SCN11A: variants seen among roughly 807,000 people sequenced by gnomAD.
The protein encoded by SCN11A is sodium channel protein type 11 subunit alpha.
A neutral mutation model predicts 162.2 loss-of-function variants in SCN11A; 122 were observed. The ratio of observed to expected loss-of-function variants is 0.75; its 90% CI spans 0.65 to 0.87. The LOEUF is 0.87. SCN11A is among the 40% of genes least tolerant of loss of function. SCN11A has a pLI of 0.00. For missense variants in SCN11A, 2,015 were observed against 2,181.6 expected (o/e 0.92, Z 1.52); for synonymous variants, 758 against 751.5 (o/e 1.01, Z -0.14).
intron 3 of SCN11A, among the ~76,000 whole-genome samples, chr3:38,956,879 A>G (rs2066688905): frequency 6.6e-6 from 1 of 152,306 alleles, no homozygotes; most frequent in East Asian, 1.9e-4. Flanking sequence ...ACTCTATGAA[A>G]GGTTGGTCAA....
intron 29 of SCN11A, chr3:38,849,385 T>C (rs1425359561): frequency 1.3e-5 from 2 of 151,904 alleles, no homozygotes; most frequent in Admixed American, 6.6e-5. Context: ...ATAAGCTTTA[T>C]CTACATTAAC....
intron 2 of SCN11A, among the ~76,000 whole-genome samples, chr3:38,966,664 AC>A (rs1173956630): frequency 6.6e-6 from 1 of 152,204 alleles, no homozygotes; most frequent in African/African-American, 2.4e-5. Flanking sequence ...GTTGTTAACT[AC>A]AGTCACCCTA....
At chr3:38,993,243 ACG>A (rs1406033364) in intron 2 of SCN11A, among the ~76,000 whole-genome samples, 1 of 152,116 alleles carries the variant, frequency 6.6e-6, no homozygotes, top group Non-Finnish European at 1.5e-5. Flanking sequence ...GGGACAACAT[ACG>A]CCAGACACTG....
chr3:38,909,547 C>A lies in SCN11A; in HGVS notation c.1102-353G>T, dbSNP rs1158166896. 2.7e-5 allele frequency among the ~76,000 whole-genome samples: 4 copies of A among 150,426 alleles called. No homozygotes were observed. In the East Asian group the frequency reaches 7.8e-4, roughly 29 times the overall value. ...AAGAGGAGGGGTTCTTTGGAGTCTT[C>A]TTCCAAATATTGCATTTAAAATTTT... On this transcript the variant is annotated intron_variant, in intron 12 of 29. Coordinates refer to ENST00000302328, the MANE Select transcript of SCN11A (RefSeq NM_001349253.2).
chr3:38,859,263 A>G (rs573533882), intron 28 of SCN11A, among the ~76,000 whole-genome samples: 3 of 152,318 alleles, frequency 2.0e-5, no homozygotes, highest in South Asian at 2.1e-4. Context: ...GATAAAAATG[A>G]TAGACCATTA....
intron 10 of SCN11A, among the ~76,000 whole-genome samples, chr3:38,920,654 C>A (rs1460788833): frequency 6.7e-6 from 1 of 149,046 alleles, no homozygotes; most frequent in Non-Finnish European, 1.5e-5. Context: ...TCACTGCACT[C>A]CGGCCTGGTG....
chr3:38,993,507 T>C (rs1575350722), intron 2 of SCN11A, among the ~76,000 whole-genome samples: 2 of 152,176 alleles, frequency 1.3e-5, no homozygotes, highest in South Asian at 4.1e-4. Flanking sequence ...AGGACGGAAA[T>C]TGGTTTTACT....
intron 19 of SCN11A, among the ~76,000 whole-genome samples, chr3:38,893,476 A>G (rs1328235432): frequency 1.3e-5 from 2 of 152,334 alleles, no homozygotes; most frequent in East Asian, 3.9e-4. Context: ...TAGAAGATCA[A>G]CAGGGAAATG....
rs1386861094 is a variant in SCN11A at position 39,040,039 on chromosome 3, G to A, written c.-403-7536C>T. On this transcript the variant is annotated intron_variant, in intron 1 of 29. Coordinates refer to ENST00000302328, the MANE Select transcript of SCN11A (RefSeq NM_001349253.2). ...TCACGTGCTGTGTTCCTCAGGGCTG[G>A]TGCCCACCTGGTGCCCACCACAGCT... Among the ~76,000 whole-genome samples the A allele has an allele frequency of 2.6e-5, 4 of 152,116 alleles. No homozygotes were observed. The East Asian group carries it at 5.8e-4, about 22-fold the overall frequency.
rs1216685337 is a variant in SCN11A, at chr3:38,889,802, A to AAAAAAT, written c.2836-3565_2836-3564insATTTTT. The stretch of plus-strand genomic sequence containing the variant: ...GCGACAGAGCGAGACTCCATCTCAA[A>AAAAAAT]AAAATAAAATAAAATAAAATAAAAT... On this transcript the variant is annotated intron_variant, in intron 19 of 29. Coordinates refer to ENST00000302328, the MANE Select transcript of SCN11A (RefSeq NM_001349253.2). Among the ~76,000 whole-genome samples the AAAAAAT allele has an allele frequency of 1.4e-3, 185 of 130,950 alleles. 2 individuals are homozygous for AAAAAAT. Among genetic ancestry groups the AAAAAAT allele is most frequent in the Middle Eastern group, 0.011 (3 of 276 alleles). 85.9% of individuals were successfully genotyped at this position (130,950 alleles called of 152,430 possible). A position where few individuals can be genotyped will look rare whatever the true frequency, so the allele number is the denominator to read the frequency against.
Position 38,903,920 on chromosome 3 carries a change from A to T in SCN11A, c.1787T>A (p.Met596Lys). 3.1e-6 allele frequency: 5 copies of T among 1,613,986 alleles called. No individual in the cohort carries two copies. Among genetic ancestry groups the T allele is most frequent in the Non-Finnish European group, 4.2e-6 (5 of 1,179,936 alleles). Residue 596 changes from methionine (M) to lysine (K), a missense_variant, in exon 16 of 30, where the codon ATG becomes AAG. Coordinates refer to ENST00000302328, the MANE Select transcript of SCN11A (RefSeq NM_001349253.2). Reference protein sequence around the residue: ...CIIINTVFLAMEHHKMEASFE... With the variant: ...CIIINTVFLAKEHHKMEASFE... Reference sequence around the variant, plus strand: ...ACTGGCCTCCATCTTGTGATGCTCCATGGCCAAGAAGACAGTGTTGATGAT... The same window carrying T: ...ACTGGCCTCCATCTTGTGATGCTCCTTGGCCAAGAAGACAGTGTTGATGAT...
intron 7 of SCN11A, among the ~76,000 whole-genome samples, chr3:38,942,091 GTAT>G (rs1559547275): frequency 6.6e-6 from 1 of 152,016 alleles, no homozygotes; most frequent in Non-Finnish European, 1.5e-5. Context: ...ATTTAAATGA[GTAT>G]TATTAGAGAC....
At chr3:39,019,919 ATTG>A (rs1202494279) in intron 2 of SCN11A, among the ~76,000 whole-genome samples, 2 of 152,100 alleles carry the variant, frequency 1.3e-5, no homozygotes, top group East Asian at 3.8e-4. Flanking sequence ...ATTTTGTATC[ATTG>A]TTATTATAAA....
chr3:38,981,537 T>G (rs138321823), intron 2 of SCN11A, among the ~76,000 whole-genome samples: 5 of 145,866 alleles, frequency 3.4e-5, no homozygotes, highest in Non-Finnish European at 7.6e-5. Flanking sequence ...GTGTGTGTGT[T>G]TGTGTGTGTG....
At chr3:39,017,808 G>A (rs1297876649) in intron 2 of SCN11A, among the ~76,000 whole-genome samples, 1 of 151,966 alleles carries the variant, frequency 6.6e-6, no homozygotes, top group Non-Finnish European at 1.5e-5. Flanking sequence ...AATACCTATG[G>A]CACTTCTGCG....
chr3:38,893,454 A>C (rs2065534212), intron 19 of SCN11A, among the ~76,000 whole-genome samples: 1 of 152,198 alleles, frequency 6.6e-6, no homozygotes, highest in African/African-American at 2.4e-5. Flanking sequence ...AAATGAATGA[A>C]TAACAACTAG....
chr3:38,982,152 G>A (rs2030082186), intron 2 of SCN11A, among the ~76,000 whole-genome samples: 1 of 152,222 alleles, frequency 6.6e-6, no homozygotes, highest in Non-Finnish European at 1.5e-5. Flanking sequence ...AAAGGAGATG[G>A]CATTAACTTA....
chr3:38,863,866 A>G (rs1185110075), intron 27 of SCN11A, among the ~76,000 whole-genome samples: 3 of 152,174 alleles, frequency 2.0e-5, no homozygotes, highest in African/African-American at 7.2e-5. Flanking sequence ...TAGATAAACT[A>G]GAACAGAATT....
At chr3:38,931,725 C>T (rs947101064) in intron 7 of SCN11A, among the ~76,000 whole-genome samples, 1 of 152,156 alleles carries the variant, frequency 6.6e-6, no homozygotes, top group Non-Finnish European at 1.5e-5. Flanking sequence ...AGTCCCCAGT[C>T]CTACTCCCCA....
Sources: allele counts gnomAD v4.1 joint callset (sites outside exome capture counted in the v4.1 genomes callset), GRCh38; gene constraint gnomAD v4.1.1; transcripts MANE v1.5; gene names NCBI Gene and HGNC (gene_info 2026-07-23, HGNC 2026-07-21).